Variants in KDM2B observed in about 807,000 individuals in gnomAD.
The protein encoded by KDM2B is lysine-specific demethylase 2B.
In KDM2B, 26 loss-of-function variants were observed where a neutral mutation model predicts 150.0. The ratio of observed to expected loss-of-function variants is 0.17; its 90% CI spans 0.13 to 0.24. KDM2B has a LOEUF of 0.24. Among genes scored for constraint, KDM2B ranks in the 10% least tolerant of loss-of-function variants. KDM2B has a pLI of 1.00. For synonymous variants in KDM2B, 734 were observed against 729.5 expected (o/e 1.01, Z -0.10); for missense variants, 1,265 against 1,816.9 (o/e 0.70, Z 5.52).
At chr12:121,434,765 G>A (rs1460156220) in intron 22 of KDM2B, among the ~76,000 whole-genome samples, 2 of 152,052 alleles carry the variant, frequency 1.3e-5, no homozygotes, top group African/African-American at 2.4e-5. Flanking sequence ...AGACCAGCCT[G>A]GCCAATATGG....
intron 4 of KDM2B, among the ~76,000 whole-genome samples, chr12:121,562,341 G>A (rs528051623): frequency 9.2e-5 from 14 of 151,908 alleles, no homozygotes; most frequent in East Asian, 7.7e-4. Flanking sequence ...AAAATTAGCC[G>A]GGCGTGGTGG....
chr12:121,482,567 T>C lies in KDM2B; in HGVS notation c.1734+12012A>G, dbSNP rs1254852127. ...CACTCGCTTCGGCCTCTCAAAGTGC[T>C]GGGATTACAGGCGTGAGCCACCGCA... is the stretch of plus-strand genomic sequence containing the variant. On this transcript the variant is annotated intron_variant, in intron 12 of 22. Transcript: ENST00000377071. Among the ~76,000 whole-genome samples the C allele has an allele frequency of 2.0e-5, 3 of 151,978 alleles. No individual in the cohort carries two copies. The East Asian group carries it at 5.9e-4, about 30-fold the overall frequency.
rs1875309975 is a variant in KDM2B, at chr12:121,442,522, G to A, written c.2919C>T (p.Ile973=). 3 of 1,599,574 alleles carry A rather than the reference G, an allele frequency of 1.9e-6. No individual in the cohort carries two copies. Among genetic ancestry groups the A allele is most frequent in the South Asian group, 2.2e-5 (2 of 91,078 alleles). The change falls in exon 19 of 23, where the codon ATC becomes ATT. Residue 973 remains isoleucine (I), a synonymous_variant. Coordinates refer to ENST00000377071, the MANE Select transcript of KDM2B (RefSeq NM_032590.5). This position sits in a 1 kb window ranked among gnomAD's most constrained non-coding sequence, Gnocchi z 7.7. ...NSLANENQQP[I]KSEPESEGEE... is the part of the protein sequence containing the mutation. ...CGCCCTCGCTCTCAGGCTCCGACTT[G>A]ATGGGCTGCTGGTTCTCGTTGGCCA...
chr12:121,525,617 C>T (rs1328963864), intron 8 of KDM2B, among the ~76,000 whole-genome samples: 1 of 152,108 alleles, frequency 6.6e-6, no homozygotes, highest in Non-Finnish European at 1.5e-5. Flanking sequence ...TCTGGATTCC[C>T]ACCTGGCCCT....
intron 12 of KDM2B, among the ~76,000 whole-genome samples, chr12:121,490,443 G>A (rs1418175712): frequency 6.6e-6 from 1 of 152,186 alleles, no homozygotes; most frequent in Non-Finnish European, 1.5e-5. Flanking sequence ...AGGCTGGCTT[G>A]CTAGCCAGAG....
chr12:121,545,746 T>C (rs1888985894), intron 6 of KDM2B, among the ~76,000 whole-genome samples: 1 of 152,118 alleles, frequency 6.6e-6, no homozygotes, highest in Non-Finnish European at 1.5e-5. Context: ...CCTGAACACA[T>C]TTCTCTCTGC....
intron 6 of KDM2B, among the ~76,000 whole-genome samples, chr12:121,535,724 T>C (rs1888035363): frequency 6.6e-6 from 1 of 152,142 alleles, no homozygotes; most frequent in South Asian, 2.1e-4. Flanking sequence ...CCAGCAGCCA[T>C]CCCCTTCTCA....
chr12:121,475,268 C>A (rs1555296547), intron 12 of KDM2B, among the ~76,000 whole-genome samples: 1 of 147,594 alleles, frequency 6.8e-6, no homozygotes, highest in East Asian at 2.0e-4. Flanking sequence ...CTAATCTGGT[C>A]AAAAATGGAC....
At chr12:121,525,920 A>G (rs1887088675) in intron 8 of KDM2B, among the ~76,000 whole-genome samples, 1 of 152,140 alleles carries the variant, frequency 6.6e-6, no homozygotes, top group Non-Finnish European at 1.5e-5. Flanking sequence ...TTATATGACA[A>G]ATAAGGTCCC....
intron 6 of KDM2B, among the ~76,000 whole-genome samples, chr12:121,538,684 G>A (rs1287681932): frequency 1.3e-5 from 2 of 152,120 alleles, no homozygotes; most frequent in African/African-American, 4.8e-5. Context: ...ACCCTAAAAA[G>A]TCATTCCCAG....
chr12:121,577,168 A>G (rs1891554258), intron 2 of KDM2B, among the ~76,000 whole-genome samples: 1 of 152,020 alleles, frequency 6.6e-6, no homozygotes, highest in Non-Finnish European at 1.5e-5. Flanking sequence ...AGATCTAAGG[A>G]TACACTTTAG....
chr12:121,465,541 C>T (rs1355296300), intron 12 of KDM2B, among the ~76,000 whole-genome samples: 2 of 152,166 alleles, frequency 1.3e-5, no homozygotes, highest in African/African-American at 4.8e-5. Context: ...GCCTACAGGT[C>T]CTCTCTTAAC....
intron 9 of KDM2B, among the ~76,000 whole-genome samples, chr12:121,515,623 G>A (rs368748157): frequency 6.0e-5 from 9 of 149,648 alleles, no homozygotes; most frequent in South Asian, 4.2e-4. Flanking sequence ...GCAGACCTCC[G>A]TTCTCCTTTT....
At chr12:121,491,770 G>GGCAACAGAGTTAAGACTC (rs1883382161) in intron 12 of KDM2B, among the ~76,000 whole-genome samples, 3 of 147,944 alleles carry the variant, frequency 2.0e-5, no homozygotes, top group East Asian at 2.0e-4. Flanking sequence ...CTCCAGCCTG[G>GGCAACAGAGTTAAGACTC]TGACAAGAGC....
chr12:121,420,119 G>A, the KDM2B span: 8 of 867,740 alleles, frequency 9.2e-6, no homozygotes, highest in Non-Finnish European at 1.4e-5. Context: ...GCAGCATTCT[G>A]AATCCAAAGA....
chr12:121,452,975 C>T lies in KDM2B; in HGVS notation c.1959+145G>A. ...AGCCTGCGAAGCGGCCAGCGCCTTC[C>T]CGTCCACAGGAAGAGCTCTCGGGGA... On this transcript the variant is annotated intron_variant, in intron 13 of 22. Coordinates refer to ENST00000377071, the MANE Select transcript of KDM2B (RefSeq NM_032590.5). The surrounding 1 kb of genome is among the most constrained non-coding windows in gnomAD (Gnocchi z 4.4). 1 of 753,862 alleles carries T rather than the reference C, an allele frequency of 1.3e-6. No individual in the cohort carries two copies. 46.7% of individuals were successfully genotyped at this position (753,862 alleles called of 1,614,324 possible).
At chr12:121,470,335 C>T (rs995247098) in intron 12 of KDM2B, 43 of 152,274 alleles carry the variant, frequency 2.8e-4, no homozygotes, top group African/African-American at 9.4e-4. Flanking sequence ...ACACAAACTC[C>T]CTTCCTCCCT....
chr12:121,474,539 G>A (rs568434675), intron 12 of KDM2B, among the ~76,000 whole-genome samples: 1 of 152,204 alleles, frequency 6.6e-6, no homozygotes, highest in Admixed American at 6.5e-5. Flanking sequence ...TTTAGGTTAG[G>A]TAGATATTAC....
At chr12:121,541,166 A>T (rs1888576690) in intron 6 of KDM2B, among the ~76,000 whole-genome samples, 2 of 151,872 alleles carry the variant, frequency 1.3e-5, no homozygotes. Context: ...CAGGAGGCGG[A>T]GGTTGGGGTG....
Sources: gnomAD v4.1 joint callset for allele counts (sites outside exome capture counted in the v4.1 genomes callset) on GRCh38, gnomAD v4.1.1 for gene constraint, Gnocchi (gnomAD v3.1) non-coding constraint, MANE v1.5 for transcripts, NCBI Gene and HGNC (gene_info 2026-07-23, HGNC 2026-07-21) for gene names.